The following VPS53 variants were observed in gnomAD, a reference collection of about 807,000 sequenced individuals.
VPS53 encodes the protein VPS53 subunit of GARP complex.
In VPS53, 70 loss-of-function variants were observed where a neutral mutation model predicts 107.0. That is an observed-to-expected ratio of 0.65 (90% confidence interval 0.54 to 0.80). VPS53 has a LOEUF of 0.80. VPS53 is among the 30% of genes least tolerant of loss of function. The pLI is 0.00. For missense variants in VPS53, 917 were observed against 1,049.4 expected (o/e 0.87, Z 1.74); for synonymous variants, 409 against 393.3 (o/e 1.04, Z -0.47).
intron 7 of VPS53, 69 bp from the exon 8 acceptor site, chr17:631,697 G>C: frequency 1.4e-6 from 2 of 1,463,606 alleles, no homozygotes; most frequent in Non-Finnish European, 1.9e-6. Flanking sequence ...CGATCCACAG[G>C]GTCGGAAGGG....
chr17:624,247 A>G (rs1053110864), intron 10 of VPS53, among the ~76,000 whole-genome samples: 2 of 152,194 alleles, frequency 1.3e-5, no homozygotes, highest in African/African-American at 2.4e-5. Context: ...ATTAGTGTAT[A>G]TAGCCTATAT....
At chr17:694,997 G>T (rs190006578) in intron 4 of VPS53, among the ~76,000 whole-genome samples, 17 of 152,304 alleles carry the variant, frequency 1.1e-4, no homozygotes, top group Admixed American at 2.6e-4. Context: ...GAGCCATTGT[G>T]CCTGGCTCAG....
intron 13 of VPS53, among the ~76,000 whole-genome samples, chr17:572,928 G>C (rs1340788779): frequency 2.6e-5 from 4 of 151,550 alleles, no homozygotes; most frequent in Admixed American, 2.0e-4. Flanking sequence ...GAAAACCAGA[G>C]ACCTTTGTTC....
chr17:522,728 C>G (rs1908845478), intron 19 of VPS53, among the ~76,000 whole-genome samples: 1 of 152,216 alleles, frequency 6.6e-6, no homozygotes, highest in African/African-American at 2.4e-5. Context: ...CTACCTTTTC[C>G]TCTTTGTTTG....
chr17:526,215 T>C (rs549866106), intron 19 of VPS53, among the ~76,000 whole-genome samples: 1 of 152,018 alleles, frequency 6.6e-6, no homozygotes, highest in African/African-American at 2.4e-5. Flanking sequence ...TAGCATTCAT[T>C]TGTTGGTAGG....
At position 663,718 on chromosome 17, in the gene VPS53, C is replaced by T. The variant is rs73281375; in HGVS notation, c.286-1823G>A. Among the ~76,000 whole-genome samples, 1,519 of 152,306 alleles carry T rather than the reference C, an allele frequency of 1.0e-2. 26 individuals carry two copies. The highest frequency in any genetic ancestry group is 0.034 in the African/African-American group (1,418 of 41,566). On this transcript the variant is annotated intron_variant, in intron 4 of 21. Transcript: ENST00000437048. ...CCTGAGGCAGTTATAGTTCTAGGCA[C>T]GAGTCAGCATCTCCTTAATTCACTC...
intron 6 of VPS53, among the ~76,000 whole-genome samples, chr17:654,113 T>G (rs1342825438): frequency 1.3e-5 from 2 of 151,974 alleles, no homozygotes; most frequent in Non-Finnish European, 2.9e-5. Context: ...GAGACTCACT[T>G]GAACCTGGGA....
intron 4 of VPS53, among the ~76,000 whole-genome samples, chr17:688,567 C>T (rs1018800768): frequency 2.0e-5 from 3 of 152,174 alleles, no homozygotes; most frequent in African/African-American, 7.2e-5. Flanking sequence ...AAACAGTTAA[C>T]GGACATTTTA....
chr17:644,182 G>A (rs552431209), intron 7 of VPS53, among the ~76,000 whole-genome samples: 1 of 152,352 alleles, frequency 6.6e-6, no homozygotes, highest in African/African-American at 2.4e-5. Context: ...ATTAAGCATG[G>A]AAGCATTTGC....
In VPS53 at chr17:710,455, C is replaced by T. The variant is rs1390496934; in HGVS notation, c.168+78G>A. 7.3e-6 allele frequency: 8 copies of T among 1,095,522 alleles called. No homozygotes were observed. The East Asian group carries it at 1.9e-4, about 26-fold the overall frequency. 67.9% of individuals were successfully genotyped at this position (1,095,522 alleles called of 1,614,324 possible). On this transcript the variant is annotated intron_variant, in intron 2 of 21. Transcript: ENST00000437048. ...TGTGTATCAAGGGCCCGTAGATGAT[C>T]TAGTGTAACACACGAAGCATAACAC... is the stretch of plus-strand genomic sequence containing the variant.
At chr17:637,861 T>G (rs1384174650) in intron 7 of VPS53, among the ~76,000 whole-genome samples, 2 of 152,222 alleles carry the variant, frequency 1.3e-5, no homozygotes, top group African/African-American at 2.4e-5. Context: ...TTGGAATAAG[T>G]GCGATGTGGT....
intron 4 of VPS53, among the ~76,000 whole-genome samples, chr17:696,146 G>A (rs1219752843): frequency 6.6e-6 from 1 of 152,232 alleles, no homozygotes; most frequent in East Asian, 1.9e-4. Flanking sequence ...CACAAATTCT[G>A]ATGATGACAA....
chr17:597,973 CCCACGGTCTCCCTCTCCCTCTCTTT>C (rs899455151), intron 12 of VPS53, among the ~76,000 whole-genome samples: 5 of 151,834 alleles, frequency 3.3e-5, no homozygotes, highest in African/African-American at 1.2e-4. Context: ...TCTCCCTCTC[CCCACGGTCTCCCTCTCCCTCTCTTT>C]CCACGGTCTC....
At chr17:530,901 A>T (rs757541001) in intron 19 of VPS53, among the ~76,000 whole-genome samples, 53 of 152,208 alleles carry the variant, frequency 3.5e-4, no homozygotes, top group Non-Finnish European at 6.5e-4. Context: ...AATGTCTCCC[A>T]TCCCATTTTC....
intron 4 of VPS53, among the ~76,000 whole-genome samples, chr17:673,500 A>G (rs16954376): frequency 0.025 from 3,863 of 151,934 alleles, 62 homozygotes; most frequent in East Asian, 0.07. Context: ...AACGCAGCCC[A>G]CTCCCCATGA....
chr17:585,073 A>G (rs535743931), intron 13 of VPS53, among the ~76,000 whole-genome samples: 2 of 152,238 alleles, frequency 1.3e-5, no homozygotes, highest in Non-Finnish European at 2.9e-5. Flanking sequence ...TGATGAGAGC[A>G]GGATATTTAC....
chr17:673,037 A>G (rs1597470344), intron 4 of VPS53, among the ~76,000 whole-genome samples: 1 of 148,700 alleles, frequency 6.7e-6, no homozygotes, highest in Non-Finnish European at 1.5e-5. Flanking sequence ...GCGTGAACCC[A>G]GGAGGTGGAG....
At chr17:662,235 G>C (rs1971463356) in intron 4 of VPS53, among the ~76,000 whole-genome samples, 1 of 152,194 alleles carries the variant, frequency 6.6e-6, no homozygotes, top group Non-Finnish European at 1.5e-5. Context: ...CACACAGAGG[G>C]ACAGGGGTAG....
intron 17 of VPS53, chr17:537,497 C>A (rs1910188339): frequency 4.4e-6 from 1 of 225,948 alleles, no homozygotes; most frequent in Non-Finnish European, 8.9e-6. Flanking sequence ...TGCCGAGTGC[C>A]CCACAGCAGG....
Sources: allele counts gnomAD v4.1 joint callset (sites outside exome capture counted in the v4.1 genomes callset), GRCh38; gene constraint gnomAD v4.1.1; transcripts MANE v1.5; gene names NCBI Gene and HGNC (gene_info 2026-07-23, HGNC 2026-07-21).